The following KCNH4 variants were observed in gnomAD, a reference collection of about 807,000 sequenced individuals.
KCNH4 encodes the protein potassium voltage-gated channel subfamily H member 4, also known as voltage-gated delayed rectifier potassium channel KCNH4.
In KCNH4, 33 loss-of-function variants were observed where a neutral mutation model predicts 90.7. The observed-to-expected ratio is 0.36, with a 90% CI of 0.28 to 0.49. The LOEUF (loss-of-function observed/expected upper bound fraction) is 0.49, where lower values mean the gene tolerates loss of function less well. Ranked by LOEUF, KCNH4 falls within the 20% of genes least tolerant of loss-of-function variation. KCNH4 has a pLI of 0.98. For synonymous variants in KCNH4, 551 were observed against 581.7 expected, an observed-to-expected ratio of 0.95 and a Z score of 0.76; for missense variants, 1,044 against 1,387.1, an observed-to-expected ratio of 0.75 and a Z score of 3.93.
chr17:42,169,769 C>G (rs1444341011), intron 8 of KCNH4, 93 bp from the exon 9 acceptor site: 2 of 1,349,402 alleles, frequency 1.5e-6, no homozygotes. Flanking sequence ...CAAGAGCCAG[C>G]GGGCTCCTGT....
In KCNH4 at chr17:42,181,141, T is replaced by TC. The variant is rs2079898964; in HGVS notation, c.-197dup. On this transcript the variant is annotated 5_prime_UTR_variant, in exon 1 of 17. Transcript: ENST00000264661. The stretch of plus-strand genomic sequence containing the variant: ...TCGGCTCGGCTCAGCGCCGTTTCGG[T>TC]CCCCCCCACCTCCCCACGGGCCAGG... 1.9e-6 allele frequency: 1 copy of TC among 516,954 alleles called. No individual in the cohort carries two copies. Among genetic ancestry groups the TC allele is most frequent in the Non-Finnish European group, 3.4e-6 (1 of 294,770 alleles). The allele number at this position is 516,954 out of a possible 1,614,324, so 32.0% of individuals were successfully genotyped here.
Position 42,166,360 on chromosome 17 carries a change from G to T in KCNH4, c.1777C>A (p.His593Asn), listed in dbSNP as rs1279568731. ...LLRRGDALQAHYYVCSGSLEV... is the reference protein window; with the variant it reads ...LLRRGDALQANYYVCSGSLEV... ...AGCGAGCCGGAGCAGACATAGTAATGTGCCTGCAGGGCATCCCCACGGCGC... is the reference window on the plus strand; with the variant it reads ...AGCGAGCCGGAGCAGACATAGTAATTTGCCTGCAGGGCATCCCCACGGCGC... The change falls in exon 10 of 17, where the codon CAT (histidine) becomes AAT (asparagine). Residue 593 changes from histidine to asparagine, a missense_variant. His to Asn is a moderately conservative substitution (Grantham distance 68). This residue lies in a region of KCNH4 where 318 missense variants were observed against 479.6 expected (regional missense o/e 0.66). Transcript: ENST00000264661. 6.2e-7 allele frequency: 1 copy of T among 1,613,468 alleles called. No homozygotes were observed. The highest frequency in any genetic ancestry group is 1.3e-5 in the African/African-American group (1 of 74,880).
chr17:42,174,693 C>T (rs1045847254), intron 6 of KCNH4, among the ~76,000 whole-genome samples: 4 of 152,094 alleles, frequency 2.6e-5, no homozygotes, highest in African/African-American at 7.2e-5. Flanking sequence ...CCTGGGGACA[C>T]GGGGTAGCAC....
rs2079879764 is a variant in KCNH4 at position 42,178,653 on chromosome 17, C to G, written c.310+140G>C. ...TCTTTCAAATGGGGGAACCCAGGAC[C>G]AGAGAGGTCAGGGATACGCTCCGTC... On this transcript the variant is annotated intron_variant, in intron 2 of 16. Coordinates refer to ENST00000264661, the MANE Select transcript of KCNH4 (RefSeq NM_012285.3). The G allele has an allele frequency of 3.6e-6, 4 of 1,122,788 alleles. No individual in the cohort carries two copies. The Admixed American group carries it at 1.0e-4, about 28-fold the overall frequency. 69.6% of individuals were successfully genotyped at this position (1,122,788 alleles called of 1,614,324 possible).
intron 6 of KCNH4, among the ~76,000 whole-genome samples, chr17:42,174,975 C>T (rs1248748638): frequency 1.3e-5 from 2 of 152,202 alleles, no homozygotes; most frequent in Non-Finnish European, 2.9e-5. Context: ...CCTTCCCAGA[C>T]CCCTCCAGCC....
At chr17:42,162,746 C>T (rs938147891) in intron 14 of KCNH4, among the ~76,000 whole-genome samples, 3 of 152,066 alleles carry the variant, frequency 2.0e-5, no homozygotes, top group Non-Finnish European at 4.4e-5. Flanking sequence ...GTGTGCACCA[C>T]CACGCCTGGC....
chr17:42,169,971 G>A (rs552942647), intron 8 of KCNH4, 136 bp downstream of exon 8: 233 of 950,520 alleles, frequency 2.5e-4, no homozygotes, highest in Non-Finnish European at 3.3e-4. Flanking sequence ...CTCAGGAAAC[G>A]TCCGTGAATG....
rs963747512 is a variant in KCNH4, at chr17:42,180,415, C to T, written c.76+455G>A. Among the ~76,000 whole-genome samples, 51 of 152,130 alleles carry T rather than the reference C, an allele frequency of 3.4e-4. No individual in the cohort carries two copies. The highest frequency in any genetic ancestry group is 4.6e-4 in the Non-Finnish European group (31 of 68,018). ...ACTGACGCCCCACGATTTGGGGGCGCGCGACCTCAATCCAAACTAGGTCCT... is the reference window on the plus strand; with the variant it reads ...ACTGACGCCCCACGATTTGGGGGCGTGCGACCTCAATCCAAACTAGGTCCT... On this transcript the variant is annotated intron_variant, in intron 1 of 16. Transcript: ENST00000264661. The surrounding 1 kb of genome is among the most constrained non-coding windows in gnomAD (Gnocchi z 4.7).
chr17:42,164,232 C>T, intron 11 of KCNH4, 64 bp from the exon 12 acceptor site: 1 of 1,391,864 alleles, frequency 7.2e-7, no homozygotes, highest in Non-Finnish European at 9.7e-7. Flanking sequence ...GCAGACCCTC[C>T]CTGTCCCACC....
At chr17:42,179,909 G>T (rs1415973091) in intron 1 of KCNH4, among the ~76,000 whole-genome samples, 1 of 152,212 alleles carries the variant, frequency 6.6e-6, no homozygotes, top group Non-Finnish European at 1.5e-5. Context: ...GGCCATCCAG[G>T]GACAGAGACT....
Position 42,180,366 on chromosome 17 carries a change from C to T in KCNH4, c.76+504G>A, listed in dbSNP as rs2079892887. On this transcript the variant is annotated intron_variant, in intron 1 of 16. Transcript: ENST00000264661. This position sits in a 1 kb window ranked among gnomAD's most constrained non-coding sequence, Gnocchi z 4.7. ...CCACCGTCGCACAGACCGCTCCCCTCCTCCTGCCTCACCCACCTTAGACAC... is the reference window on the plus strand; with the variant it reads ...CCACCGTCGCACAGACCGCTCCCCTTCTCCTGCCTCACCCACCTTAGACAC... Among the ~76,000 whole-genome samples the T allele has an allele frequency of 6.6e-6, 1 of 152,182 alleles. No individual in the cohort carries two copies. Among genetic ancestry groups the T allele is most frequent in the Non-Finnish European group, 1.5e-5 (1 of 68,022 alleles).
At chr17:42,173,062 A>G (rs1192274305) in intron 6 of KCNH4, among the ~76,000 whole-genome samples, 1 of 151,806 alleles carries the variant, frequency 6.6e-6, no homozygotes, top group African/African-American at 2.4e-5. Flanking sequence ...TAAGTGTCCC[A>G]TATTCACTAA....
intron 4 of KCNH4, 104 bp downstream of exon 4, chr17:42,177,996 A>G (rs747259780): frequency 5.4e-6 from 8 of 1,472,766 alleles, no homozygotes; most frequent in Non-Finnish European, 6.5e-6. Context: ...GAGCAAGCCA[A>G]GGAGGGACAC....
In KCNH4 at chr17:42,178,853, G is replaced by A. The variant is rs2079881547; in HGVS notation, c.250C>T (p.His84Tyr). 1.2e-6 allele frequency: 2 copies of A among 1,614,142 alleles called. No individual in the cohort carries two copies. The highest frequency in any genetic ancestry group is 1.7e-6 in the Non-Finnish European group (2 of 1,180,044). ...TCCTGGTGGCCCTCCAGGGCTTTGT[G>A]CAGACGCTGCAGGGCTGGCTCACTG... ...ETSEPALQRL[H>Y]KALEGHQEHR... is the part of the protein sequence containing the mutation. The change falls in exon 2 of 17, where the codon CAC becomes TAC. Residue 84 changes from histidine (H) to tyrosine (Y), a missense_variant. By Grantham distance (83) the His-to-Tyr change is moderately conservative (BLOSUM62 2). Around this residue, in one of 4 missense-constraint regions of KCNH4, gnomAD observed 283 missense variants for 378.6 expected, o/e 0.75. Transcript: ENST00000264661.
At position 42,163,886 on chromosome 17, in the gene KCNH4, C is replaced by T. The variant is rs1250948869; in HGVS notation, c.2197G>A (p.Glu733Lys). 1 of 1,540,564 alleles carries T rather than the reference C, an allele frequency of 6.5e-7. No individual in the cohort carries two copies. Among genetic ancestry groups the T allele is most frequent in the African/African-American group, 1.4e-5 (1 of 73,032 alleles). The change falls in exon 13 of 17, where the codon GAG becomes AAG. Residue 733 changes from glutamate (E) to lysine (K), a missense_variant. Physicochemically the swap from Glu to Lys is moderately conservative, Grantham distance 56 (BLOSUM62 1). Coordinates refer to ENST00000264661, the MANE Select transcript of KCNH4 (RefSeq NM_012285.3). This position sits in a 1 kb window ranked among gnomAD's most constrained non-coding sequence, Gnocchi z 5.4. ...PSITEAESGA[E>K]PGGGPRPRRP... ...CGGGGCCTGGGACCACCCCCAGGCTCCGCGCCACTCTCGGCCTCTGTGATG... is the reference window on the plus strand; with the variant it reads ...CGGGGCCTGGGACCACCCCCAGGCTTCGCGCCACTCTCGGCCTCTGTGATG...
chr17:42,174,850 C>T (rs1158336838), intron 6 of KCNH4, among the ~76,000 whole-genome samples: 2 of 152,182 alleles, frequency 1.3e-5, no homozygotes, highest in Admixed American at 6.5e-5. Context: ...CAGCCTCTAC[C>T]TTCTTGTCTA....
chr17:42,167,671 C>T (rs536145275), intron 9 of KCNH4, among the ~76,000 whole-genome samples: 1 of 152,330 alleles, frequency 6.6e-6, no homozygotes, highest in African/African-American at 2.4e-5. Context: ...CATCCCAAAG[C>T]CCATCTTCCC....
chr17:42,170,332 G>C (rs376713438), intron 7 of KCNH4, 31 bp from the exon 8 acceptor site: 12 of 1,545,840 alleles, frequency 7.8e-6, no homozygotes, highest in Non-Finnish European at 1.7e-6. Flanking sequence ...GGGAGCCCTG[G>C]CTGTGCCAGC....
In KCNH4 at chr17:42,180,991, C is replaced by G. The variant is rs755704407; in HGVS notation, c.-46G>C. On this transcript the variant is annotated 5_prime_UTR_variant, in exon 1 of 17. Coordinates refer to ENST00000264661, the MANE Select transcript of KCNH4 (RefSeq NM_012285.3). This position sits in a 1 kb window ranked among gnomAD's most constrained non-coding sequence, Gnocchi z 4.7. ...AGGCGCGGCGCTGGGGAGCTTTCAG[C>G]GCGGCCGGGCCGGAGGGGGCGCGCT... 2.0e-5 allele frequency: 31 copies of G among 1,575,650 alleles called. No individual in the cohort carries two copies. In the Admixed American group the frequency reaches 3.1e-4, roughly 16 times the overall value.
Sources: allele counts gnomAD v4.1 joint callset (sites outside exome capture counted in the v4.1 genomes callset), GRCh38; gene constraint gnomAD v4.1.1; regional missense constraint gnomAD v4.1.1; non-coding constraint Gnocchi (gnomAD v3.1); transcripts MANE v1.5; gene names NCBI Gene and HGNC (gene_info 2026-07-23, HGNC 2026-07-21).